Variants in FAM222B observed in about 807,000 individuals in gnomAD.
The protein encoded by FAM222B is protein FAM222B.
FAM222B carries 12 observed loss-of-function variants against 38.0 expected under a neutral mutation model. That is an observed-to-expected ratio of 0.32 (90% CI 0.20 to 0.51). FAM222B has a LOEUF of 0.51. Among genes scored for constraint, FAM222B ranks in the 20% least tolerant of loss-of-function variants. FAM222B has a pLI of 0.97. For synonymous variants in FAM222B, 329 were observed against 317.2 expected (o/e 1.04, Z -0.40); for missense variants, 716 against 754.2 (o/e 0.95, Z 0.59).
chr17:28,763,330 A>G (rs2035174747), intron 2 of FAM222B, among the ~76,000 whole-genome samples: 1 of 152,260 alleles, frequency 6.6e-6, no homozygotes, highest in Non-Finnish European at 1.5e-5. Flanking sequence ...AATGATGGTC[A>G]ATAGTTACCA....
chr17:28,809,883 G>A (rs1241551407), intron 1 of FAM222B, among the ~76,000 whole-genome samples: 1 of 152,134 alleles, frequency 6.6e-6, no homozygotes, highest in East Asian at 1.9e-4. Context: ...TGTACTTACT[G>A]CTCACCCATG....
intron 1 of FAM222B, among the ~76,000 whole-genome samples, chr17:28,790,894 T>TTTC (rs2036643973): frequency 3.1e-5 from 3 of 97,976 alleles, no homozygotes; most frequent in African/African-American, 1.1e-4. Flanking sequence ...CTTTTTTTTT[T>TTTC]TTTTTTTTTT....
chr17:28,822,286 C>T (rs1032090532), intron 1 of FAM222B, among the ~76,000 whole-genome samples: 17 of 147,508 alleles, frequency 1.2e-4, no homozygotes, highest in African/African-American at 3.7e-4. Context: ...TCCCAAAGTG[C>T]GGGATTACAG....
At chr17:28,762,979 C>G (rs2035156968) in intron 2 of FAM222B, among the ~76,000 whole-genome samples, 1 of 151,970 alleles carries the variant, frequency 6.6e-6, no homozygotes, top group African/African-American at 2.4e-5. Context: ...ATCACAGCCC[C>G]CACACAGGCA....
At chr17:28,787,415 C>T (rs1038198119) in intron 1 of FAM222B, among the ~76,000 whole-genome samples, 2 of 152,158 alleles carry the variant, frequency 1.3e-5, no homozygotes, top group African/African-American at 4.8e-5. Context: ...TTGTCAAAGG[C>T]TTCTATATAG....
Position 28,759,083 on chromosome 17 carries a change from G to T in FAM222B, c.876C>A (p.Ile292=). The T allele has an allele frequency of 1.2e-6, 2 of 1,611,634 alleles. No homozygotes were observed. Among genetic ancestry groups the T allele is most frequent in the Non-Finnish European group, 1.7e-6 (2 of 1,178,922 alleles). The change falls in exon 3 of 3, where the codon ATC becomes ATA. Residue 292 remains isoleucine (I), a synonymous_variant. Coordinates refer to ENST00000581407, the MANE Select transcript of FAM222B (RefSeq NM_001077498.3). The surrounding 1 kb of genome is among the most constrained non-coding windows in gnomAD (Gnocchi z 4.8). ...ISTTSVCEGQ[I]ANPSPISRSL... ...TGCGACTAATGGGGCTGGGGTTGGC[G>T]ATCTGGCCCTCACACACTGAGGTAG...
intron 1 of FAM222B, among the ~76,000 whole-genome samples, chr17:28,788,716 T>C (rs2036528471): frequency 6.6e-6 from 1 of 152,050 alleles, no homozygotes; most frequent in South Asian, 2.1e-4. Flanking sequence ...CCCAAATAAT[T>C]GTAATTTGCC....
chr17:28,853,014 A>G (rs1465071301), intron 1 of FAM222B, among the ~76,000 whole-genome samples: 1 of 151,934 alleles, frequency 6.6e-6, no homozygotes, highest in Non-Finnish European at 1.5e-5. Context: ...ACCAACATGG[A>G]GAAACCCCGT....
intron 1 of FAM222B, among the ~76,000 whole-genome samples, chr17:28,789,673 A>C (rs1444678096): frequency 6.6e-6 from 1 of 152,218 alleles, no homozygotes; most frequent in South Asian, 2.1e-4. Flanking sequence ...GAGCCCCAAC[A>C]GGGCCTACTC....
chr17:28,776,600 G>A (rs2151824116), intron 1 of FAM222B, among the ~76,000 whole-genome samples: 1 of 151,418 alleles, frequency 6.6e-6, no homozygotes. Flanking sequence ...GGGACCAGGG[G>A]CATGCCACCA....
At position 28,758,608 on chromosome 17, in the gene FAM222B, GGAA is replaced by G. The variant is rs763634039; in HGVS notation, c.1348_1350del (p.Phe450del). 3.7e-6 allele frequency: 6 copies of G among 1,611,422 alleles called. No individual in the cohort carries two copies. In the South Asian group the frequency reaches 6.6e-5, roughly 18 times the overall value. ...GGCAGAATGTTGTTCCACAGGGGTT[GGAA>G]GTAGTGACCATTGGGGTAGGCCAAT... On this transcript the variant is annotated inframe_deletion, in exon 3 of 3. Coordinates refer to ENST00000581407, the MANE Select transcript of FAM222B (RefSeq NM_001077498.3).
chr17:28,794,874 C>G (rs948696424), intron 1 of FAM222B, among the ~76,000 whole-genome samples: 1 of 152,038 alleles, frequency 6.6e-6, no homozygotes, highest in Non-Finnish European at 1.5e-5. Context: ...GGGCAGATCA[C>G]TTGAGATCAG....
chr17:28,813,841 C>G lies in FAM222B; in HGVS notation c.-41+28841G>C, dbSNP rs556231372. ...TATTACAGGCGTCAGCCACCGCGCCCGGCATGGAATAGGACATTTTAAACA... is the reference window on the plus strand; with the variant it reads ...TATTACAGGCGTCAGCCACCGCGCCGGGCATGGAATAGGACATTTTAAACA... On this transcript the variant is annotated intron_variant, in intron 1 of 2. Coordinates refer to ENST00000581407, the MANE Select transcript of FAM222B (RefSeq NM_001077498.3). 4.6e-5 allele frequency among the ~76,000 whole-genome samples: 7 copies of G among 151,884 alleles called. No individual in the cohort carries two copies. In the South Asian group the frequency reaches 1.5e-3, roughly 32 times the overall value.
At chr17:28,790,706 C>T (rs371157677) in intron 1 of FAM222B, among the ~76,000 whole-genome samples, 17 of 151,982 alleles carry the variant, frequency 1.1e-4, no homozygotes, top group East Asian at 3.8e-4. Context: ...GTCAATGTTA[C>T]TTTCCTGATT....
chr17:28,834,700 T>C (rs560792101), intron 1 of FAM222B: 22 of 152,188 alleles, frequency 1.4e-4, no homozygotes, highest in African/African-American at 5.1e-4. Context: ...ACTATTTATG[T>C]GTTGGTCTCT....
In FAM222B at chr17:28,758,108, G is replaced by A; in HGVS notation, c.*162C>T. Reference sequence around the variant, plus strand: ...AAGTTGCTGGAGGGGAGGACGAGAGGACCCCTTCTGTCCCCACTTAGATCC... The same window carrying A: ...AAGTTGCTGGAGGGGAGGACGAGAGAACCCCTTCTGTCCCCACTTAGATCC... On this transcript the variant is annotated 3_prime_UTR_variant, in exon 3 of 3. Transcript: ENST00000581407. 1 of 620,974 alleles carries A rather than the reference G, an allele frequency of 1.6e-6. No individual in the cohort carries two copies. The highest frequency in any genetic ancestry group is 2.6e-6 in the Non-Finnish European group (1 of 378,900). 38.5% of individuals were successfully genotyped at this position (620,974 alleles called of 1,614,324 possible). A position where few individuals can be genotyped will look rare whatever the true frequency, so the allele number is the denominator to read the frequency against.
intron 1 of FAM222B, among the ~76,000 whole-genome samples, chr17:28,832,996 ACT>A (rs2038716523): frequency 2.1e-5 from 3 of 141,844 alleles, no homozygotes; most frequent in South Asian, 2.3e-4. Context: ...CACAGTTAAG[ACT>A]CTGTCTCTAT....
rs1254631850 is a variant in FAM222B, at chr17:28,756,410, A to G, written c.*1860T>C. The G allele has an allele frequency of 1.3e-5, 2 of 152,586 alleles. No homozygotes were observed. Among genetic ancestry groups the G allele is most frequent in the Non-Finnish European group, 2.9e-5 (2 of 68,080 alleles). The allele number at this position is 152,586 out of a possible 1,614,324, so 9.5% of individuals were successfully genotyped here. A position where few individuals can be genotyped will look rare whatever the true frequency, so the allele number is the denominator to read the frequency against. On this transcript the variant is annotated 3_prime_UTR_variant, in exon 3 of 3. Coordinates refer to ENST00000581407, the MANE Select transcript of FAM222B (RefSeq NM_001077498.3). ...GTTGGTGTCTGGTCCAGTTTCCTAA[A>G]ATAGCAGCTCACCTTTCAGGGAGAG...
chr17:28,777,612 T>C (rs1158367934), intron 1 of FAM222B, among the ~76,000 whole-genome samples: 1 of 152,194 alleles, frequency 6.6e-6, no homozygotes, highest in Non-Finnish European at 1.5e-5. Flanking sequence ...AAATGTTTAA[T>C]AACTTTTACT....
Sources: allele counts gnomAD v4.1 joint callset (sites outside exome capture counted in the v4.1 genomes callset), GRCh38; gene constraint gnomAD v4.1.1; non-coding constraint Gnocchi (gnomAD v3.1); transcripts MANE v1.5; gene names NCBI Gene and HGNC (gene_info 2026-07-23, HGNC 2026-07-21).